The following NTM variants were observed in gnomAD, a reference collection of about 807,000 sequenced individuals.
The protein encoded by NTM is IgLON family member 2.
NTM carries 13 observed loss-of-function variants against 42.1 expected under a neutral mutation model. The ratio of observed to expected loss-of-function variants is 0.31; its 90% CI spans 0.20 to 0.49. The LOEUF is 0.49. NTM is among the 20% of genes least tolerant of loss of function. The pLI is 0.99. For synonymous variants in NTM, 187 were observed against 179.2 expected, an observed-to-expected ratio of 1.04 and a Z score of -0.35; for missense variants, 373 against 452.8, an observed-to-expected ratio of 0.82 and a Z score of 1.60.
chr11:131,748,928 G>A (rs559185964), intron 1 of NTM, among the ~76,000 whole-genome samples: 16 of 152,258 alleles, frequency 1.1e-4, no homozygotes, highest in South Asian at 6.2e-4. Context: ...GAGGGGCCCC[G>A]GCTCGGCCTT....
chr11:132,298,030 G>A (rs117130321), intron 4 of NTM, among the ~76,000 whole-genome samples: 2,694 of 152,300 alleles, frequency 0.018, 38 homozygotes, highest in Non-Finnish European at 0.028. Context: ...GGTAGTGAAG[G>A]TGACTTCTTA....
intron 1 of NTM, among the ~76,000 whole-genome samples, chr11:131,718,942 G>A (rs1592689942): frequency 6.6e-6 from 1 of 152,110 alleles, no homozygotes; most frequent in Non-Finnish European, 1.5e-5. Flanking sequence ...ACTGCTTCTA[G>A]TGTTTTTGTT....
intron 4 of NTM, among the ~76,000 whole-genome samples, chr11:132,302,392 T>G (rs749753078): frequency 2.6e-5 from 4 of 152,174 alleles, no homozygotes; most frequent in Non-Finnish European, 5.9e-5. Context: ...AAAGAAAATC[T>G]TTTCTGTTAG....
intron 1 of NTM, among the ~76,000 whole-genome samples, chr11:131,681,361 C>T (rs540642950): frequency 6.9e-4 from 5 of 7,284 alleles, no homozygotes; most frequent in African/African-American, 2.9e-3. Flanking sequence ...GTATGTCTCC[C>T]TGTGTGTGTG....
chr11:132,058,012 T>C (rs562798678), intron 2 of NTM, among the ~76,000 whole-genome samples: 111 of 152,344 alleles, frequency 7.3e-4, no homozygotes, highest in Non-Finnish European at 9.7e-4. Context: ...AATATTTTTT[T>C]ATCTCTCTGT....
At chr11:132,074,066 T>C (rs2058054507) in intron 2 of NTM, among the ~76,000 whole-genome samples, 1 of 152,232 alleles carries the variant, frequency 6.6e-6, no homozygotes. Context: ...GATTTATCTC[T>C]CAGCACAGAT....
At chr11:131,673,932 C>T (rs1041442845) in intron 1 of NTM, among the ~76,000 whole-genome samples, 1 of 152,168 alleles carries the variant, frequency 6.6e-6, no homozygotes, top group Non-Finnish European at 1.5e-5. Flanking sequence ...GGTTGAAAGG[C>T]GGCACAAAGA....
intron 1 of NTM, among the ~76,000 whole-genome samples, chr11:131,538,848 T>A (rs1243753101): frequency 6.6e-6 from 1 of 151,206 alleles, no homozygotes; most frequent in Non-Finnish European, 1.5e-5. Flanking sequence ...ATTTCAAAAT[T>A]GCTAAGAGAG....
rs76043335 is a variant in NTM at position 131,943,274 on chromosome 11, C to G, written c.167+31626C>G. On this transcript the variant is annotated intron_variant, in intron 2 of 8. Transcript: ENST00000683400. Reference sequence around the variant, plus strand: ...TGCCCCTTCCCCTGGCTGGTGTGGACTCAATTTCCAGGCTCACTCACATGG... The same window carrying G: ...TGCCCCTTCCCCTGGCTGGTGTGGAGTCAATTTCCAGGCTCACTCACATGG... Among the ~76,000 whole-genome samples the G allele has an allele frequency of 1.8e-3, 278 of 152,278 alleles. 9 individuals carry two copies. In the South Asian group the frequency reaches 0.053, roughly 29 times the overall value.
chr11:131,953,739 A>ATTTC (rs2061273068), intron 2 of NTM, among the ~76,000 whole-genome samples: 1 of 152,082 alleles, frequency 6.6e-6, no homozygotes, highest in South Asian at 2.1e-4. Flanking sequence ...CTAATGAAAA[A>ATTTC]GAAGGAGTAA....
chr11:132,119,173 A>T (rs1333730889), intron 2 of NTM, among the ~76,000 whole-genome samples: 3 of 152,152 alleles, frequency 2.0e-5, no homozygotes, highest in South Asian at 2.1e-4. Context: ...CAGAGGCTGT[A>T]GCTCCCCAGG....
At chr11:131,530,750 C>T (rs1175782025) in intron 1 of NTM, among the ~76,000 whole-genome samples, 1 of 152,142 alleles carries the variant, frequency 6.6e-6, no homozygotes, top group African/African-American at 2.4e-5. Context: ...TTAACCTCAC[C>T]CTGACCCTAA....
intron 7 of NTM, among the ~76,000 whole-genome samples, chr11:132,320,700 T>G (rs1426085561): frequency 2.0e-5 from 3 of 152,072 alleles, no homozygotes; most frequent in Admixed American, 6.5e-5. Context: ...TGCCTGCCTC[T>G]GTAGGCTCCA....
chr11:131,487,733 T>C (rs187720847), intron 1 of NTM, among the ~76,000 whole-genome samples: 1 of 151,148 alleles, frequency 6.6e-6, no homozygotes, highest in Non-Finnish European at 1.5e-5. Flanking sequence ...CCCCTAGGCT[T>C]AAAGAAAAAG....
intron 3 of NTM, among the ~76,000 whole-genome samples, chr11:132,190,548 C>T (rs542583160): frequency 6.6e-6 from 1 of 151,988 alleles, no homozygotes; most frequent in African/African-American, 2.4e-5. Context: ...CCAGCCTGGC[C>T]AAGATGATGA....
intron 3 of NTM, among the ~76,000 whole-genome samples, chr11:132,192,687 C>A (rs78113071): frequency 0.013 from 1,962 of 152,186 alleles, 47 homozygotes; most frequent in African/African-American, 0.043. Context: ...ATAATCCCCC[C>A]ACTTAAAAGG....
intron 1 of NTM, among the ~76,000 whole-genome samples, chr11:131,501,204 G>T (rs982863054): frequency 4.6e-5 from 7 of 152,258 alleles, no homozygotes; most frequent in Non-Finnish European, 7.4e-5. Flanking sequence ...GCTTAAGGGT[G>T]AATAAAGGCA....
intron 1 of NTM, among the ~76,000 whole-genome samples, chr11:131,459,290 C>A (rs1189661076): frequency 6.6e-6 from 1 of 152,218 alleles, no homozygotes; most frequent in Non-Finnish European, 1.5e-5. Context: ...AGTTGTATCA[C>A]CCAGGTTCAG....
chr11:132,287,773 A>G (rs1015330711), intron 4 of NTM, among the ~76,000 whole-genome samples: 1 of 152,224 alleles, frequency 6.6e-6, no homozygotes, highest in Admixed American at 6.5e-5. Flanking sequence ...ATGCATGTGA[A>G]TGTGTCTCTA....
Sources: gnomAD v4.1 joint callset for allele counts (sites outside exome capture counted in the v4.1 genomes callset) on GRCh38, gnomAD v4.1.1 for gene constraint, MANE v1.5 for transcripts, NCBI Gene and HGNC (gene_info 2026-07-23, HGNC 2026-07-21) for gene names.